Variants in FMN1 observed in about 807,000 individuals in gnomAD.
The protein encoded by FMN1 is formin-1.
FMN1 carries 110 observed loss-of-function variants against 132.4 expected under a neutral mutation model. That is an observed-to-expected ratio of 0.83 (90% CI 0.71 to 0.97). The LOEUF (loss-of-function observed/expected upper bound fraction) is 0.97. Among genes scored for constraint, FMN1 ranks in the 50% least tolerant of loss-of-function variants. The pLI is 0.00. For missense variants in FMN1, 1,792 were observed against 1,705.3 expected, an observed-to-expected ratio of 1.05 and a Z score of -0.90; for synonymous variants, 722 against 651.7, an observed-to-expected ratio of 1.11 and a Z score of -1.64.
chr15:33,115,446 G>A (rs973907971), intron 4 of FMN1, among the ~76,000 whole-genome samples: 1 of 151,942 alleles, frequency 6.6e-6, no homozygotes, highest in African/African-American at 2.4e-5. Flanking sequence ...TCAGGTTGAG[G>A]TCCTTGTGTA....
In FMN1 at chr15:33,088,985, A is replaced by T. The variant is rs753684838; in HGVS notation, c.1868-11T>A. On this transcript the variant is annotated splice_polypyrimidine_tract_variant and intron_variant, in intron 4 of 20. Coordinates refer to ENST00000616417, the MANE Select transcript of FMN1 (RefSeq NM_001277313.2). ...CCTCAGAGGAGATACCTAAACAAAC[A>T]CAGAGAAGGCCATCAGTGACATGGC... 161 of 1,526,448 alleles carry T rather than the reference A, an allele frequency of 1.1e-4. No individual in the cohort carries two copies. Among genetic ancestry groups the T allele is most frequent in the East Asian group, 1.0e-3 (41 of 40,848 alleles). 94.6% of individuals were successfully genotyped at this position (1,526,448 alleles called of 1,614,324 possible).
chr15:33,006,585 C>T (rs1047322297), intron 7 of FMN1, among the ~76,000 whole-genome samples: 7 of 152,160 alleles, frequency 4.6e-5, no homozygotes, highest in Non-Finnish European at 1.5e-5. Context: ...GATATCTACA[C>T]TCTCATGTTG....
chr15:32,977,324 ATATTT>A (rs2032290371), intron 7 of FMN1, among the ~76,000 whole-genome samples: 1 of 152,212 alleles, frequency 6.6e-6, no homozygotes, highest in African/African-American at 2.4e-5. Flanking sequence ...CCCATGCAAT[ATATTT>A]TAGGAAGTCA....
intron 15 of FMN1, among the ~76,000 whole-genome samples, chr15:32,897,795 G>C (rs931367202): frequency 7.6e-6 from 1 of 132,116 alleles, no homozygotes; most frequent in African/African-American, 3.5e-5. Flanking sequence ...CCAAGTGAGT[G>C]GTCTTAAAAC....
At chr15:33,171,874 C>T (rs1965333584) in intron 3 of FMN1, among the ~76,000 whole-genome samples, 1 of 152,152 alleles carries the variant, frequency 6.6e-6, no homozygotes, top group African/African-American at 2.4e-5. Context: ...TTATAATGTA[C>T]AGCCATGAAT....
chr15:32,809,584 C>T (rs545082249), intron 17 of FMN1, among the ~76,000 whole-genome samples: 15 of 152,092 alleles, frequency 9.9e-5, no homozygotes, highest in Non-Finnish European at 1.9e-4. Context: ...GGGCACTTTG[C>T]TCCTTCTGTT....
At chr15:32,839,563 G>C (rs1448289048) in intron 17 of FMN1, among the ~76,000 whole-genome samples, 1 of 152,036 alleles carries the variant, frequency 6.6e-6, no homozygotes, top group Admixed American at 6.5e-5. Context: ...ATGATGATAA[G>C]CTACTCCAAA....
At chr15:32,990,050 C>G (rs976762628) in intron 7 of FMN1, among the ~76,000 whole-genome samples, 1 of 152,128 alleles carries the variant, frequency 6.6e-6, no homozygotes, top group South Asian at 2.1e-4. Context: ...TTTTTGGATG[C>G]TCTGGTTTTG....
At chr15:33,070,235 C>T (rs2037941853) in intron 5 of FMN1, among the ~76,000 whole-genome samples, 1 of 151,478 alleles carries the variant, frequency 6.6e-6, no homozygotes, top group East Asian at 1.9e-4. Context: ...GAACTCGTGG[C>T]CTCAGGTGAT....
chr15:33,106,523 G>A (rs1048158658), intron 4 of FMN1, among the ~76,000 whole-genome samples: 1 of 152,010 alleles, frequency 6.6e-6, no homozygotes, highest in African/African-American at 2.4e-5. Flanking sequence ...GGAGCATCCA[G>A]CAGGGTTGAA....
intron 6 of FMN1, among the ~76,000 whole-genome samples, chr15:33,029,716 G>C (rs140159622): frequency 5.2e-4 from 79 of 152,060 alleles, no homozygotes; most frequent in African/African-American, 1.8e-3. Context: ...CTCAGAGAAG[G>C]AAGTGAAGAC....
intron 6 of FMN1, among the ~76,000 whole-genome samples, chr15:33,058,626 GAATCAA>G (rs2037344311): frequency 1.3e-5 from 2 of 152,254 alleles, no homozygotes; most frequent in Non-Finnish European, 2.9e-5. Flanking sequence ...CCTATTTGAG[GAATCAA>G]AAGAACAGCG....
At chr15:33,168,532 C>T (rs1331880394) in intron 3 of FMN1, among the ~76,000 whole-genome samples, 1 of 152,048 alleles carries the variant, frequency 6.6e-6, no homozygotes, top group African/African-American at 2.4e-5. Context: ...CCCACAATAC[C>T]CCAGAGAGAG....
At chr15:33,041,163 C>T (rs1486470082) in intron 6 of FMN1, among the ~76,000 whole-genome samples, 1 of 151,284 alleles carries the variant, frequency 6.6e-6, no homozygotes, top group Non-Finnish European at 1.5e-5. Context: ...TCACATGAGT[C>T]ACATGGTCAT....
At chr15:32,938,700 AC>A (rs1219131938) in intron 9 of FMN1, among the ~76,000 whole-genome samples, 2 of 152,166 alleles carry the variant, frequency 1.3e-5, no homozygotes, top group African/African-American at 2.4e-5. Context: ...TATTAGACTT[AC>A]CCTGCCAAGT....
chr15:32,914,172 T>A (rs1225537431), intron 10 of FMN1, among the ~76,000 whole-genome samples: 1 of 152,238 alleles, frequency 6.6e-6, no homozygotes, highest in Non-Finnish European at 1.5e-5. Context: ...ATATCTTTCC[T>A]TATTCAAAAA....
At chr15:33,129,373 G>A (rs548394465) in intron 4 of FMN1, among the ~76,000 whole-genome samples, 82 of 152,284 alleles carry the variant, frequency 5.4e-4, no homozygotes, top group African/African-American at 1.9e-3. Context: ...GGCTGGTGTA[G>A]CAATGTGTAT....
chr15:33,056,451 A>G (rs1290465859), intron 6 of FMN1, among the ~76,000 whole-genome samples: 1 of 152,244 alleles, frequency 6.6e-6, no homozygotes, highest in Non-Finnish European at 1.5e-5. Context: ...AGTGAGGTAC[A>G]GAAACAGCCA....
chr15:33,157,001 C>T (rs986772786), intron 3 of FMN1, among the ~76,000 whole-genome samples: 34 of 152,188 alleles, frequency 2.2e-4, no homozygotes, highest in African/African-American at 8.2e-4. Flanking sequence ...GGTATGGTGG[C>T]TCACGCCTGT....
Sources: gnomAD v4.1 joint callset for allele counts (sites outside exome capture counted in the v4.1 genomes callset) on GRCh38, gnomAD v4.1.1 for gene constraint, MANE v1.5 for transcripts, NCBI Gene and HGNC (gene_info 2026-07-23, HGNC 2026-07-21) for gene names.